The following INPP4B variants were observed in gnomAD, a reference collection of about 807,000 sequenced individuals.
The protein encoded by INPP4B is inositol polyphosphate 4-phosphatase type II.
INPP4B carries 55 observed loss-of-function variants against 122.5 expected under a neutral mutation model. The ratio of observed to expected loss-of-function variants is 0.45; its 90% CI spans 0.36 to 0.56. INPP4B has a LOEUF of 0.56. Among genes scored for constraint, INPP4B ranks in the 20% least tolerant of loss-of-function variants. INPP4B has a pLI of 0.00. For synonymous variants in INPP4B, 403 were observed against 388.7 expected (o/e 1.04, Z -0.43); for missense variants, 1,000 against 1,097.7 (o/e 0.91, Z 1.26).
chr4:142,043,296 G>A (rs566688652), intron 25 of INPP4B, among the ~76,000 whole-genome samples: 1 of 152,222 alleles, frequency 6.6e-6, no homozygotes, highest in South Asian at 2.1e-4. Context: ...TTTAGTTTTG[G>A]AATAACATGT....
intron 2 of INPP4B, among the ~76,000 whole-genome samples, chr4:142,521,996 A>C (rs867474216): frequency 6.6e-6 from 1 of 152,144 alleles, no homozygotes; most frequent in African/African-American, 2.4e-5. Context: ...TAATATCTGT[A>C]TCACAACAGT....
At chr4:142,082,829 T>A (rs1774698692) in intron 24 of INPP4B, among the ~76,000 whole-genome samples, 1 of 152,172 alleles carries the variant, frequency 6.6e-6, no homozygotes, top group African/African-American at 2.4e-5. Context: ...TTGCTCTTTT[T>A]AATAAACTTC....
Position 142,650,282 on chromosome 4 carries a change from T to G in INPP4B, c.-191+75557A>C, listed in dbSNP as rs1254986491. 2.0e-5 allele frequency among the ~76,000 whole-genome samples: 3 copies of G among 152,200 alleles called. No individual in the cohort carries two copies. In the East Asian group the frequency reaches 5.8e-4, roughly 29 times the overall value. On this transcript the variant is annotated intron_variant, in intron 2 of 25. Transcript: ENST00000262992. The stretch of plus-strand genomic sequence containing the variant: ...AAAACATGCCAAATTGTAAAGATCA[T>G]TGATGCTATGAAGAAACTGCATCAA...
chr4:142,463,006 T>G (rs1817025064), intron 2 of INPP4B, among the ~76,000 whole-genome samples: 1 of 152,190 alleles, frequency 6.6e-6, no homozygotes, highest in African/African-American at 2.4e-5. Flanking sequence ...GGCACTATAT[T>G]AAGTTACATG....
At chr4:142,031,984 G>A (rs1384336296) in intron 25 of INPP4B, among the ~76,000 whole-genome samples, 1 of 152,174 alleles carries the variant, frequency 6.6e-6, no homozygotes, top group Non-Finnish European at 1.5e-5. Context: ...ATGAAGAAAA[G>A]TAAGGCAGGA....
At chr4:142,208,679 A>T in intron 13 of INPP4B, 150 bp from the exon 14 acceptor site, 1 of 552,728 alleles carries the variant, frequency 1.8e-6, no homozygotes, top group Non-Finnish European at 2.9e-6. Flanking sequence ...TACAAATTCA[A>T]TATTTTTAAA....
chr4:142,262,108 T>C (rs1477757970), intron 10 of INPP4B, among the ~76,000 whole-genome samples: 1 of 152,210 alleles, frequency 6.6e-6, no homozygotes. Flanking sequence ...ATTTTCAATA[T>C]TACCTCTAAT....
intron 9 of INPP4B, among the ~76,000 whole-genome samples, chr4:142,280,739 A>C (rs1750813175): frequency 1.3e-5 from 2 of 151,972 alleles, no homozygotes; most frequent in Non-Finnish European, 2.9e-5. Flanking sequence ...CAAACAAACA[A>C]ACAAAAAAAT....
intron 15 of INPP4B, among the ~76,000 whole-genome samples, chr4:142,192,857 C>T (rs1440127008): frequency 2.0e-5 from 3 of 152,098 alleles, no homozygotes; most frequent in South Asian, 2.1e-4. Flanking sequence ...ATATGACTTC[C>T]AGAAGATTTT....
chr4:142,138,099 C>A (rs972394013), intron 18 of INPP4B, among the ~76,000 whole-genome samples: 4 of 151,024 alleles, frequency 2.6e-5, no homozygotes, highest in Non-Finnish European at 5.9e-5. Context: ...ATGTTTATTG[C>A]GGCACTATTC....
At chr4:142,558,940 C>T (rs935908143) in intron 2 of INPP4B, among the ~76,000 whole-genome samples, 4 of 152,044 alleles carry the variant, frequency 2.6e-5, no homozygotes, top group Admixed American at 2.0e-4. Flanking sequence ...TATATATCCC[C>T]TTCTGTCTCA....
At chr4:142,459,779 C>T (rs1302201534) in intron 3 of INPP4B, among the ~76,000 whole-genome samples, 2 of 152,146 alleles carry the variant, frequency 1.3e-5, no homozygotes, top group South Asian at 2.1e-4. Context: ...TAGCTTCACT[C>T]AATCAATCAA....
chr4:142,416,578 A>G (rs1411869432), intron 5 of INPP4B, among the ~76,000 whole-genome samples: 1 of 152,140 alleles, frequency 6.6e-6, no homozygotes, highest in African/African-American at 2.4e-5. Flanking sequence ...AAGACACATA[A>G]AAAGACAGAT....
chr4:142,361,622 G>T (rs1479634336), intron 7 of INPP4B, among the ~76,000 whole-genome samples: 1 of 151,684 alleles, frequency 6.6e-6, no homozygotes, highest in Non-Finnish European at 1.5e-5. Flanking sequence ...ATAAAATTAG[G>T]TTCTTTATTG....
At chr4:142,189,888 T>C (rs893598611) in intron 15 of INPP4B, among the ~76,000 whole-genome samples, 1 of 152,146 alleles carries the variant, frequency 6.6e-6, no homozygotes, top group African/African-American at 2.4e-5. Flanking sequence ...ACTCAGAAAC[T>C]GTGCTTTAAA....
intron 11 of INPP4B, among the ~76,000 whole-genome samples, chr4:142,259,175 A>T (rs928568043): frequency 2.5e-5 from 3 of 119,904 alleles, no homozygotes; most frequent in African/African-American, 9.6e-5. Flanking sequence ...GGACACAGGA[A>T]GGGGAATATC....
intron 2 of INPP4B, among the ~76,000 whole-genome samples, chr4:142,499,273 A>T (rs571694743): frequency 6.6e-6 from 1 of 152,260 alleles, no homozygotes; most frequent in African/African-American, 2.4e-5. Context: ...TCAAGAAGCA[A>T]ATAATACAGC....
intron 25 of INPP4B, among the ~76,000 whole-genome samples, chr4:142,052,368 C>G (rs1187247454): frequency 6.6e-6 from 1 of 151,850 alleles, no homozygotes; most frequent in Non-Finnish European, 1.5e-5. Context: ...AAAATTTGCC[C>G]AAAAATTGCT....
At chr4:142,806,786 GGAAAGAAAGAAAGAAAGAAA>G (rs60845921) in intron 1 of INPP4B, among the ~76,000 whole-genome samples, 23 of 75,994 alleles carry the variant, frequency 3.0e-4, no homozygotes, top group South Asian at 1.7e-3. Context: ...AAAGAAAGAA[GGAAAGAAAGAAAGAAAGAAA>G]GAAAGAAAGA....
Sources: gnomAD v4.1 joint callset for allele counts (sites outside exome capture counted in the v4.1 genomes callset) on GRCh38, gnomAD v4.1.1 for gene constraint, MANE v1.5 for transcripts, NCBI Gene and HGNC (gene_info 2026-07-23, HGNC 2026-07-21) for gene names.